CTNNA2: variants seen among roughly 807,000 people sequenced by gnomAD.
CTNNA2 encodes catenin alpha 2.
CTNNA2 carries 42 observed loss-of-function variants against 101.0 expected under a neutral mutation model. The ratio of observed to expected loss-of-function variants is 0.42; its 90% CI spans 0.32 to 0.54. CTNNA2 has a LOEUF of 0.54. Ranked by LOEUF, CTNNA2 falls within the 20% of genes least tolerant of loss-of-function variation. The pLI is 0.14. For synonymous variants in CTNNA2, 450 were observed against 456.4 expected (o/e 0.99, Z 0.18); for missense variants, 871 against 1,223.1 (o/e 0.71, Z 4.29).
At chr2:79,645,613 G>A (rs1385145060) in intron 1 of CTNNA2, among the ~76,000 whole-genome samples, 3 of 152,078 alleles carry the variant, frequency 2.0e-5, no homozygotes, top group Non-Finnish European at 2.9e-5. Context: ...TGTTTTTGAG[G>A]CATCTTGTCT....
At chr2:80,429,067 C>G (rs1438028706) in intron 9 of CTNNA2, among the ~76,000 whole-genome samples, 2 of 152,058 alleles carry the variant, frequency 1.3e-5, no homozygotes, top group African/African-American at 4.8e-5. Context: ...TTATGTTAAA[C>G]TTACAGTAAA....
chr2:79,674,175 A>G (rs867239189), intron 2 of CTNNA2, among the ~76,000 whole-genome samples: 1 of 152,190 alleles, frequency 6.6e-6, no homozygotes, highest in Non-Finnish European at 1.5e-5. Context: ...GTCAAATGGT[A>G]TGTTCAAATA....
intron 3 of CTNNA2, among the ~76,000 whole-genome samples, chr2:79,751,389 T>C (rs1672022438): frequency 6.6e-6 from 1 of 151,620 alleles, no homozygotes; most frequent in African/African-American, 2.4e-5. Flanking sequence ...AGGTCTGGAG[T>C]TTGAGACTAG....
rs189661655 is a variant in CTNNA2 at position 80,045,918 on chromosome 2, C to T, written c.1056+136121C>T. Reference sequence around the variant, plus strand: ...ACAGTCACTATTGTGGCTGCCGAAGCGGGTTTGATTGCCAGTTGTTAAATG... The same window carrying T: ...ACAGTCACTATTGTGGCTGCCGAAGTGGGTTTGATTGCCAGTTGTTAAATG... On this transcript the variant is annotated intron_variant, in intron 7 of 18. Coordinates refer to ENST00000402739, the MANE Select transcript of CTNNA2 (RefSeq NM_001282597.3). Among the ~76,000 whole-genome samples the T allele has an allele frequency of 1.6e-4, 25 of 152,224 alleles. No homozygotes were observed. The East Asian group carries it at 2.5e-3, about 15-fold the overall frequency.
At chr2:79,856,920 C>T (rs567586607) in intron 3 of CTNNA2, among the ~76,000 whole-genome samples, 2 of 152,286 alleles carry the variant, frequency 1.3e-5, no homozygotes, top group Admixed American at 6.5e-5. Context: ...TCTTTTTCCC[C>T]TCCAGTTTAT....
intron 9 of CTNNA2, among the ~76,000 whole-genome samples, chr2:80,433,961 TTCAACCTTTG>T (rs1276999928): frequency 6.6e-6 from 1 of 152,204 alleles, no homozygotes; most frequent in Non-Finnish European, 1.5e-5. Flanking sequence ...ATGAAAACAA[TTCAACCTTTG>T]TCCCAATTGC....
At chr2:79,528,702 TCACATTGTAGAGTACA>T in intron 1 of CTNNA2, among the ~76,000 whole-genome samples, 1 of 152,184 alleles carries the variant, frequency 6.6e-6, no homozygotes, top group Non-Finnish European at 1.5e-5. Context: ...TAAAGCCAAT[TCACATTGTAGAGTACA>T]ATTGTACTAT....
At chr2:80,523,662 C>T (rs1229492965) in intron 9 of CTNNA2, among the ~76,000 whole-genome samples, 1 of 152,148 alleles carries the variant, frequency 6.6e-6, no homozygotes, top group Non-Finnish European at 1.5e-5. Flanking sequence ...CATGGACATG[C>T]AGCCAGCAGC....
intron 4 of CTNNA2, among the ~76,000 whole-genome samples, chr2:79,482,863 G>A (rs923658492): frequency 1.3e-5 from 2 of 152,146 alleles, no homozygotes; most frequent in East Asian, 3.9e-4. Flanking sequence ...AGATAGTTTT[G>A]GTGGAGGAGT....
chr2:79,290,404 G>T (rs957205282), intron 2 of CTNNA2, among the ~76,000 whole-genome samples: 6 of 152,228 alleles, frequency 3.9e-5, no homozygotes, highest in African/African-American at 1.4e-4. Context: ...CCCTGCCTAG[G>T]GCTCCACCTC....
At chr2:79,518,451 A>G (rs2103858921) in intron 1 of CTNNA2, among the ~76,000 whole-genome samples, 1 of 152,336 alleles carries the variant, frequency 6.6e-6, no homozygotes, top group South Asian at 2.1e-4. Flanking sequence ...ATATTCTGCA[A>G]GTTGAGTTTA....
At chr2:80,255,971 CT>C (rs1009803630) in intron 7 of CTNNA2, among the ~76,000 whole-genome samples, 1 of 152,096 alleles carries the variant, frequency 6.6e-6, no homozygotes, top group African/African-American at 2.4e-5. Context: ...CTTATGCGAA[CT>C]TTTTAATGCA....
intron 3 of CTNNA2, among the ~76,000 whole-genome samples, chr2:79,753,657 C>T (rs1014879493): frequency 6.6e-6 from 1 of 151,892 alleles, no homozygotes; most frequent in African/African-American, 2.4e-5. Context: ...GTACATGGTC[C>T]TAACTCAAAA....
At chr2:79,471,303 G>A (rs1335635746) in intron 4 of CTNNA2, among the ~76,000 whole-genome samples, 1 of 152,134 alleles carries the variant, frequency 6.6e-6, no homozygotes, top group Non-Finnish European at 1.5e-5. Context: ...AGTCTTAGTG[G>A]CTTATAAAGA....
chr2:80,639,921 T>C (rs1673282656), intron 18 of CTNNA2, among the ~76,000 whole-genome samples: 1 of 151,850 alleles, frequency 6.6e-6, no homozygotes, highest in African/African-American at 2.4e-5. Context: ...ACCAACATGG[T>C]GAAACCCCCA....
chr2:80,381,940 G>C (rs534783831), intron 7 of CTNNA2, among the ~76,000 whole-genome samples: 9 of 152,296 alleles, frequency 5.9e-5, no homozygotes, highest in African/African-American at 1.9e-4. Context: ...CTTCTTCCAA[G>C]GGTATATACA....
intron 9 of CTNNA2, among the ~76,000 whole-genome samples, chr2:80,455,665 A>C (rs1047386411): frequency 2.0e-5 from 3 of 152,132 alleles, no homozygotes; most frequent in South Asian, 4.1e-4. Context: ...TAATATGATA[A>C]ATTAATTCAC....
At position 79,563,359 on chromosome 2, in the gene CTNNA2, A is replaced by G. The variant is rs540478471; in HGVS notation, c.-6+50152A>G. 4.6e-5 allele frequency among the ~76,000 whole-genome samples: 7 copies of G among 152,152 alleles called. No homozygotes were observed. The East Asian group carries it at 1.4e-3, about 29-fold the overall frequency. On this transcript the variant is annotated intron_variant, in intron 1 of 18. Coordinates refer to ENST00000402739, the MANE Select transcript of CTNNA2 (RefSeq NM_001282597.3). ...GTAATAACATAACCTTTGTCTCCTT[A>G]GGACAAAAAGTGACTTTTCAAAAAC...
intron 3 of CTNNA2, among the ~76,000 whole-genome samples, chr2:79,358,687 A>G (rs1384240182): frequency 6.6e-6 from 1 of 152,228 alleles, no homozygotes. Flanking sequence ...AAACCAAAGC[A>G]GCAGCCAATT....
Sources: allele counts gnomAD v4.1 joint callset (sites outside exome capture counted in the v4.1 genomes callset), GRCh38; gene constraint gnomAD v4.1.1; transcripts MANE v1.5; gene names NCBI Gene and HGNC (gene_info 2026-07-23, HGNC 2026-07-21).